The following ST18 variants were observed in gnomAD, a reference collection of about 807,000 sequenced individuals.
The protein encoded by ST18 is suppression of tumorigenicity 18 protein.
A neutral mutation model predicts 110.0 loss-of-function variants in ST18; 50 were observed. The observed-to-expected ratio is 0.45, with a 90% CI of 0.36 to 0.58. The LOEUF is 0.58. ST18 is among the 20% of genes least tolerant of loss of function. ST18 has a pLI of 0.00. For missense variants in ST18, 1,306 were observed against 1,280.1 expected (o/e 1.02, Z -0.31); for synonymous variants, 461 against 452.4 (o/e 1.02, Z -0.24).
In ST18 at chr8:52,215,853, T is replaced by C. The variant is rs141381616; in HGVS notation, c.1-1596A>G. On this transcript the variant is annotated intron_variant, in intron 6 of 25. Transcript: ENST00000689386. ...CCCCCTCCTCCCGTGAGTATCTCTG[T>C]TGCATACAAAGTGGCTCAACTCTAG... 4.7e-4 allele frequency among the ~76,000 whole-genome samples: 71 copies of C among 152,352 alleles called. No homozygotes were observed. The East Asian group carries it at 0.011, about 23-fold the overall frequency.
intron 8 of ST18, among the ~76,000 whole-genome samples, chr8:52,207,761 C>G (rs572070063): frequency 6.6e-6 from 1 of 152,276 alleles, no homozygotes; most frequent in East Asian, 1.9e-4. Context: ...TCATTTGTCT[C>G]TCTAAGTAGT....
At chr8:52,354,200 T>C (rs1221489398) in intron 2 of ST18, among the ~76,000 whole-genome samples, 1 of 152,222 alleles carries the variant, frequency 6.6e-6, no homozygotes. Flanking sequence ...TGGAGAATTT[T>C]GAGAAGCAGA....
At chr8:52,179,131 A>G (rs2068287736) in intron 9 of ST18, among the ~76,000 whole-genome samples, 1 of 152,178 alleles carries the variant, frequency 6.6e-6, no homozygotes, top group African/African-American at 2.4e-5. Flanking sequence ...AGTAGAATAT[A>G]CATCTAGTTT....
At chr8:52,377,751 T>C (rs111836940) in intron 2 of ST18, among the ~76,000 whole-genome samples, 2,648 of 152,302 alleles carry the variant, frequency 0.017, 78 homozygotes, top group African/African-American at 0.06. Flanking sequence ...CACTGCTGGA[T>C]GTATACCCAA....
At chr8:52,218,206 AAT>A (rs1335522002) in intron 5 of ST18, among the ~76,000 whole-genome samples, 4 of 152,052 alleles carry the variant, frequency 2.6e-5, no homozygotes, top group African/African-American at 9.7e-5. Context: ...ATATATTTAT[AAT>A]ATACCTCTCT....
At chr8:52,345,506 T>C (rs1201230633) in intron 2 of ST18, among the ~76,000 whole-genome samples, 1 of 152,244 alleles carries the variant, frequency 6.6e-6, no homozygotes, top group Non-Finnish European at 1.5e-5. Flanking sequence ...GAAGAGATGA[T>C]ACCAGTATAT....
chr8:52,254,436 T>C (rs2094460464), intron 2 of ST18: 1 of 152,168 alleles, frequency 6.6e-6, no homozygotes, highest in East Asian at 1.9e-4. Context: ...CTTCTCAATA[T>C]GATTCACATT....
At chr8:52,125,158 A>G (rs565736412) in intron 23 of ST18, among the ~76,000 whole-genome samples, 1 of 152,314 alleles carries the variant, frequency 6.6e-6, no homozygotes, top group Non-Finnish European at 1.5e-5. Flanking sequence ...GGATCCAAAC[A>G]GAGAACTCAG....
intron 2 of ST18, among the ~76,000 whole-genome samples, chr8:52,287,929 A>T (rs2139284079): frequency 6.6e-6 from 1 of 152,276 alleles, no homozygotes; most frequent in East Asian, 1.9e-4. Flanking sequence ...AAGCTCTAAG[A>T]TCCACTGAAG....
At chr8:52,229,270 G>A (rs910131614) in intron 3 of ST18, among the ~76,000 whole-genome samples, 1 of 152,174 alleles carries the variant, frequency 6.6e-6, no homozygotes, top group African/African-American at 2.4e-5. Flanking sequence ...AGGCACAAAG[G>A]TCTTACAGTT....
chr8:52,380,947 A>T (rs1019087943), intron 2 of ST18, among the ~76,000 whole-genome samples: 4 of 152,196 alleles, frequency 2.6e-5, no homozygotes, highest in African/African-American at 9.6e-5. Context: ...GTGAATGCTC[A>T]CAGGCAGGGC....
chr8:52,119,991 A>G (rs1254104398), intron 23 of ST18, among the ~76,000 whole-genome samples: 2 of 152,220 alleles, frequency 1.3e-5, no homozygotes, highest in African/African-American at 4.8e-5. Context: ...ATGAGTCATC[A>G]GTATGACATG....
chr8:52,208,743 G>A (rs62501024), intron 8 of ST18, among the ~76,000 whole-genome samples: 23,905 of 152,246 alleles, frequency 0.16, 1,974 homozygotes, highest in Middle Eastern at 0.25. Context: ...GCGTGAGCCC[G>A]GGAGGCGGAG....
At chr8:52,119,466 G>A (rs866268101) in intron 23 of ST18, among the ~76,000 whole-genome samples, 14 of 152,160 alleles carry the variant, frequency 9.2e-5, no homozygotes, top group Admixed American at 6.5e-5. Flanking sequence ...GAAGGATAAA[G>A]GGTACTTGGC....
chr8:52,318,238 A>T (rs762680147), intron 2 of ST18, among the ~76,000 whole-genome samples: 1 of 152,256 alleles, frequency 6.6e-6, no homozygotes, highest in Non-Finnish European at 1.5e-5. Flanking sequence ...AAGTGGGCAA[A>T]GGACGTGAAC....
chr8:52,350,256 TC>T (rs1819689230), intron 2 of ST18, among the ~76,000 whole-genome samples: 1 of 152,178 alleles, frequency 6.6e-6, no homozygotes, highest in African/African-American at 2.4e-5. Flanking sequence ...GGTATCCCAA[TC>T]CTTCTATTCT....
intron 2 of ST18, among the ~76,000 whole-genome samples, chr8:52,343,357 C>G (rs1025778880): frequency 2.0e-5 from 3 of 152,188 alleles, no homozygotes; most frequent in African/African-American, 7.2e-5. Flanking sequence ...CTCCTCATCT[C>G]CCTTCCTACT....
chr8:52,332,683 T>C (rs940757511), intron 2 of ST18, among the ~76,000 whole-genome samples: 17 of 152,108 alleles, frequency 1.1e-4, no homozygotes, highest in African/African-American at 4.1e-4. Context: ...AAATCCTGTC[T>C]TTACTAAAAA....
chr8:52,409,260 C>T (rs1845596483), intron 2 of ST18, 68 bp downstream of exon 2: 1 of 152,242 alleles, frequency 6.6e-6, no homozygotes, highest in Admixed American at 6.5e-5. Context: ...GGTATGTTTT[C>T]TCTCAAAGTT....
Sources: gnomAD v4.1 joint callset for allele counts (sites outside exome capture counted in the v4.1 genomes callset) on GRCh38, gnomAD v4.1.1 for gene constraint, MANE v1.5 for transcripts, NCBI Gene and HGNC (gene_info 2026-07-23, HGNC 2026-07-21) for gene names.